RIMS1: variants seen among roughly 807,000 people sequenced by gnomAD.
RIMS1 encodes regulating synaptic membrane exocytosis 1, also known as regulating synaptic membrane exocytosis protein 1.
A neutral mutation model predicts 214.1 loss-of-function variants in RIMS1; 83 were observed. The observed-to-expected ratio is 0.39, with a 90% CI of 0.32 to 0.47. The LOEUF (loss-of-function observed/expected upper bound fraction) is 0.47. Ranked by LOEUF, RIMS1 falls within the 20% of genes least tolerant of loss-of-function variation. The probability of loss-of-function intolerance (pLI) is 0.99; values close to 1 mark genes in which losing one functional copy is unlikely to be tolerated. For synonymous variants in RIMS1, 793 were observed against 786.8 expected, an observed-to-expected ratio of 1.01 and a Z score of -0.13; for missense variants, 2,050 against 2,161.8, an observed-to-expected ratio of 0.95 and a Z score of 1.03.
intron 2 of RIMS1, among the ~76,000 whole-genome samples, chr6:72,049,130 A>C (rs1448487183): frequency 1.3e-5 from 2 of 152,330 alleles, no homozygotes; most frequent in South Asian, 4.1e-4. Context: ...ATCAGAATTC[A>C]AGTTCAGGGG....
chr6:72,221,187 A>G (rs1464230063), intron 6 of RIMS1, among the ~76,000 whole-genome samples: 1 of 152,048 alleles, frequency 6.6e-6, no homozygotes. Flanking sequence ...CAATGGATAC[A>G]GTTTGCATAC....
intron 31 of RIMS1, among the ~76,000 whole-genome samples, chr6:72,396,606 A>G (rs1373287108): frequency 6.6e-6 from 1 of 152,220 alleles, no homozygotes; most frequent in Non-Finnish European, 1.5e-5. Context: ...CATGTAATGG[A>G]ATATTATAGA....
intron 2 of RIMS1, among the ~76,000 whole-genome samples, chr6:72,039,993 G>C (rs761625104): frequency 8.5e-5 from 13 of 152,050 alleles, no homozygotes; most frequent in Non-Finnish European, 1.3e-4. Context: ...ACTAAAGGCT[G>C]TAAGCCAGAA....
chr6:72,185,999 ACTTTT>A (rs1414272757), intron 6 of RIMS1, among the ~76,000 whole-genome samples: 11 of 152,200 alleles, frequency 7.2e-5, no homozygotes, highest in Non-Finnish European at 1.5e-4. Flanking sequence ...TTCCTTAATA[ACTTTT>A]CTTTTCTATT....
chr6:72,294,128 G>A (rs146431240), intron 26 of RIMS1, among the ~76,000 whole-genome samples: 168 of 151,622 alleles, frequency 1.1e-3, no homozygotes, highest in Non-Finnish European at 7.4e-4. Flanking sequence ...TGATTATACC[G>A]TCTGCCATCA....
intron 2 of RIMS1, among the ~76,000 whole-genome samples, chr6:72,095,304 C>A (rs1355472780): frequency 6.6e-6 from 1 of 151,916 alleles, no homozygotes; most frequent in African/African-American, 2.4e-5. Context: ...AGTAAGATTG[C>A]CGGTGCCATT....
At chr6:71,973,839 CAA>C (rs1491380636) in intron 2 of RIMS1, among the ~76,000 whole-genome samples, 1 of 152,140 alleles carries the variant, frequency 6.6e-6, no homozygotes, top group Non-Finnish European at 1.5e-5. Context: ...TAGTGGAGAG[CAA>C]GAGAGAGAGA....
At chr6:72,061,761 G>A (rs1262984969) in intron 2 of RIMS1, among the ~76,000 whole-genome samples, 5 of 152,192 alleles carry the variant, frequency 3.3e-5, no homozygotes, top group South Asian at 2.1e-4. Flanking sequence ...CATAAAGTTC[G>A]AGTGAAAGTT....
chr6:72,061,094 C>G (rs887553857), intron 2 of RIMS1, among the ~76,000 whole-genome samples: 15 of 151,994 alleles, frequency 9.9e-5, no homozygotes, highest in Non-Finnish European at 1.5e-4. Context: ...ACTCTAGAGC[C>G]TTGTATATAA....
chr6:71,939,766 C>T (rs1362425139), intron 1 of RIMS1, among the ~76,000 whole-genome samples: 1 of 152,106 alleles, frequency 6.6e-6, no homozygotes, highest in South Asian at 2.1e-4. Context: ...TTAAAGTTTC[C>T]ACCTCTTAAT....
At chr6:72,164,102 C>A (rs1360684352) in intron 4 of RIMS1, among the ~76,000 whole-genome samples, 1 of 152,110 alleles carries the variant, frequency 6.6e-6, no homozygotes, top group Non-Finnish European at 1.5e-5. Flanking sequence ...GGGCGCCCCT[C>A]CCCCAGTCTC....
At chr6:72,344,707 C>G (rs1193284266) in intron 29 of RIMS1, among the ~76,000 whole-genome samples, 1 of 151,654 alleles carries the variant, frequency 6.6e-6, no homozygotes, top group Non-Finnish European at 1.5e-5. Context: ...TGCTGTCTGC[C>G]TTAGGAATTC....
At position 72,251,409 on chromosome 6, in the gene RIMS1, T is replaced by C. The variant is rs375296990; in HGVS notation, c.2698+41T>C. The stretch of plus-strand genomic sequence containing the variant: ...TTTAGTTGCCACAAAGTAATTATGC[T>C]GTAATGATCTAATTAGTGATTAATA... On this transcript the variant is annotated intron_variant, in intron 15 of 33. Coordinates refer to ENST00000521978, the MANE Select transcript of RIMS1 (RefSeq NM_014989.7). The C allele has an allele frequency of 4.3e-4, 604 of 1,402,152 alleles. 1 individual carries two copies. Among genetic ancestry groups the C allele is most frequent in the Non-Finnish European group, 5.6e-4 (578 of 1,035,266 alleles). The allele number at this position is 1,402,152 out of a possible 1,614,324, so 86.9% of individuals were successfully genotyped here.
At chr6:71,901,293 A>T (rs1359832287) in intron 1 of RIMS1, among the ~76,000 whole-genome samples, 1 of 152,258 alleles carries the variant, frequency 6.6e-6, no homozygotes, top group Non-Finnish European at 1.5e-5. Context: ...ACATACACTG[A>T]CAAAAAGACT....
chr6:72,167,842 C>T (rs1237761337), intron 4 of RIMS1, among the ~76,000 whole-genome samples: 1 of 151,682 alleles, frequency 6.6e-6, no homozygotes, highest in African/African-American at 2.4e-5. Context: ...GGGATTTTAT[C>T]AATTTTATTA....
chr6:72,005,245 A>T lies in RIMS1; in HGVS notation c.245+36182A>T, dbSNP rs566481824. Among the ~76,000 whole-genome samples, 10 of 152,262 alleles carry T rather than the reference A, an allele frequency of 6.6e-5. No individual in the cohort carries two copies. In the South Asian group the frequency reaches 2.1e-3, roughly 32 times the overall value. On this transcript the variant is annotated intron_variant, in intron 2 of 33. Coordinates refer to ENST00000521978, the MANE Select transcript of RIMS1 (RefSeq NM_014989.7). Reference sequence around the variant, plus strand: ...ATTGGTCTATATCTCTGTTTTGGCAACAGTAGCATGCTGTTTTGGTTACTG... The same window carrying T: ...ATTGGTCTATATCTCTGTTTTGGCATCAGTAGCATGCTGTTTTGGTTACTG...
intron 29 of RIMS1, among the ~76,000 whole-genome samples, chr6:72,382,785 G>C (rs1490260744): frequency 1.3e-5 from 2 of 152,108 alleles, no homozygotes; most frequent in Non-Finnish European, 2.9e-5. Context: ...CTGCTCTCCT[G>C]GCTTGAAATA....
chr6:72,032,266 A>G (rs868510411), intron 2 of RIMS1, among the ~76,000 whole-genome samples: 2 of 152,072 alleles, frequency 1.3e-5, no homozygotes, highest in Non-Finnish European at 2.9e-5. Flanking sequence ...GTGTGAGAGG[A>G]CTAAAAATAC....
chr6:72,339,749 G>GTGC (rs1217986970), intron 29 of RIMS1, among the ~76,000 whole-genome samples: 1 of 151,990 alleles, frequency 6.6e-6, no homozygotes, highest in African/African-American at 2.4e-5. Flanking sequence ...AAACGTACGT[G>GTGC]TGCATGTGTC....
Sources: allele counts gnomAD v4.1 joint callset (sites outside exome capture counted in the v4.1 genomes callset), GRCh38; gene constraint gnomAD v4.1.1; transcripts MANE v1.5; gene names NCBI Gene and HGNC (gene_info 2026-07-23, HGNC 2026-07-21).